The following DTWD2 variants were observed in gnomAD, a reference collection of about 807,000 sequenced individuals.
DTWD2 encodes the protein tRNA-uridine aminocarboxypropyltransferase 2.
A neutral mutation model predicts 31.8 loss-of-function variants in DTWD2; 39 were observed. That is an observed-to-expected ratio of 1.22 (90% CI 0.95 to 1.60). DTWD2 has a LOEUF of 1.60. DTWD2 is among the 40% of genes most tolerant of loss of function. The pLI, the probability that DTWD2 is intolerant of heterozygous loss-of-function variation, is 0.00. For synonymous variants in DTWD2, 180 were observed against 142.8 expected (o/e 1.26, Z -1.86); for missense variants, 515 against 381.5 (o/e 1.35, Z -2.92).
At chr5:118,875,950 A>T (rs531385477) in intron 4 of DTWD2, among the ~76,000 whole-genome samples, 3 of 152,352 alleles carry the variant, frequency 2.0e-5, no homozygotes, top group Admixed American at 2.0e-4. Context: ...TCACATAATC[A>T]GAAGTAAAAC....
Position 118,939,382 on chromosome 5 carries a change from T to C in DTWD2, c.310-92A>G, listed in dbSNP as rs1754130059. The stretch of plus-strand genomic sequence containing the variant: ...AATGAACATCTGATTCATAACTTTA[T>C]GCATAACTTTCACAAGTCTTTTACT... On this transcript the variant is annotated intron_variant, in intron 2 of 5. Coordinates refer to ENST00000510708, the MANE Select transcript of DTWD2 (RefSeq NM_173666.4). 4.4e-6 allele frequency: 5 copies of C among 1,131,094 alleles called. No homozygotes were observed. The Admixed American group carries it at 1.1e-4, about 24-fold the overall frequency. 70.1% of individuals were successfully genotyped at this position (1,131,094 alleles called of 1,614,324 possible). A position where few individuals can be genotyped will look rare whatever the true frequency, so the allele number is the denominator to read the frequency against.
At chr5:118,868,533 G>A (rs1053829579) in intron 4 of DTWD2, among the ~76,000 whole-genome samples, 1 of 152,062 alleles carries the variant, frequency 6.6e-6, no homozygotes, top group Admixed American at 6.6e-5. Flanking sequence ...TTAATATCCA[G>A]AACATATTAA....
chr5:118,981,656 GCTCAAGTGATCCTCCCAC>G (rs886119813), intron 1 of DTWD2, among the ~76,000 whole-genome samples: 1 of 152,048 alleles, frequency 6.6e-6, no homozygotes, highest in African/African-American at 2.4e-5. Flanking sequence ...GAACTCCTGG[GCTCAAGTGATCCTCCCAC>G]CTCAGCCTCC....
intron 4 of DTWD2, among the ~76,000 whole-genome samples, chr5:118,900,314 T>C (rs978075843): frequency 3.3e-5 from 5 of 152,170 alleles, no homozygotes; most frequent in African/African-American, 1.2e-4. Context: ...TTAATATTTT[T>C]AAAAACTTTT....
chr5:118,966,283 A>T (rs971632921), intron 1 of DTWD2, among the ~76,000 whole-genome samples: 8 of 152,380 alleles, frequency 5.3e-5, no homozygotes, highest in Non-Finnish European at 8.8e-5. Context: ...GTTCAAGTTT[A>T]AAAAAGCATT....
chr5:118,858,546 A>T (rs766219442), intron 4 of DTWD2, among the ~76,000 whole-genome samples: 33 of 152,224 alleles, frequency 2.2e-4, no homozygotes, highest in Non-Finnish European at 3.7e-4. Context: ...CATACCCAAA[A>T]GTAAAATAAT....
chr5:118,858,974 T>A (rs977926098), intron 4 of DTWD2, among the ~76,000 whole-genome samples: 2 of 152,194 alleles, frequency 1.3e-5, no homozygotes, highest in African/African-American at 4.8e-5. Flanking sequence ...TCCCATTGTA[T>A]CACATTATGA....
chr5:118,988,211 C>A (rs1344159945), intron 1 of DTWD2, 83 bp downstream of exon 1: 12 of 1,506,776 alleles, frequency 8.0e-6, no homozygotes, highest in Middle Eastern at 3.6e-4. Context: ...CTGCCCGAGC[C>A]GCCGACTCCC....
chr5:118,871,937 G>C (rs547964389), intron 4 of DTWD2, among the ~76,000 whole-genome samples: 1 of 152,272 alleles, frequency 6.6e-6, no homozygotes, highest in South Asian at 2.1e-4. Flanking sequence ...CTACTGTTTA[G>C]TGTAGACACC....
chr5:118,949,049 G>A (rs1044130548), intron 1 of DTWD2, among the ~76,000 whole-genome samples: 2 of 152,260 alleles, frequency 1.3e-5, no homozygotes, highest in South Asian at 4.1e-4. Flanking sequence ...TAACAGATGA[G>A]GAAGAAATTT....
intron 4 of DTWD2, among the ~76,000 whole-genome samples, chr5:118,927,565 A>G (rs1753836973): frequency 6.6e-6 from 1 of 152,086 alleles, no homozygotes; most frequent in Non-Finnish European, 1.5e-5. Context: ...AAAAAAATGC[A>G]TTCCTGAGTA....
chr5:118,931,940 C>T (rs934509968), intron 3 of DTWD2, among the ~76,000 whole-genome samples: 12 of 152,280 alleles, frequency 7.9e-5, no homozygotes, highest in African/African-American at 2.9e-4. Flanking sequence ...GAAAACTCCG[C>T]AGTATTGGAG....
chr5:118,879,133 C>T (rs767494055), intron 4 of DTWD2, among the ~76,000 whole-genome samples: 1 of 152,168 alleles, frequency 6.6e-6, no homozygotes, highest in African/African-American at 2.4e-5. Flanking sequence ...GGTCCCATTA[C>T]TGGCTATATA....
At chr5:118,888,637 G>A (rs1580788507) in intron 4 of DTWD2, among the ~76,000 whole-genome samples, 1 of 152,162 alleles carries the variant, frequency 6.6e-6, no homozygotes, top group East Asian at 1.9e-4. Flanking sequence ...GAAATGGCTG[G>A]ATCACATGTT....
intron 4 of DTWD2, among the ~76,000 whole-genome samples, chr5:118,906,046 A>G (rs1753325807): frequency 1.3e-5 from 2 of 152,202 alleles, no homozygotes; most frequent in Non-Finnish European, 2.9e-5. Context: ...TGAGCAAAAG[A>G]TGTGAATGTA....
intron 1 of DTWD2, among the ~76,000 whole-genome samples, chr5:118,964,614 A>AT (rs1310104455): frequency 6.6e-6 from 1 of 152,104 alleles, no homozygotes; most frequent in African/African-American, 2.4e-5. Context: ...TGGTTTTCGT[A>AT]TTTTTTTGGT....
intron 4 of DTWD2, among the ~76,000 whole-genome samples, chr5:118,893,299 T>G (rs1003624593): frequency 6.8e-6 from 1 of 147,470 alleles, no homozygotes; most frequent in African/African-American, 2.5e-5. Context: ...AAGTGGAGGT[T>G]GCAGTGAGCT....
At chr5:118,904,923 C>T (rs961548048) in intron 4 of DTWD2, among the ~76,000 whole-genome samples, 1 of 152,016 alleles carries the variant, frequency 6.6e-6, no homozygotes, top group East Asian at 1.9e-4. Flanking sequence ...AGGCAGGAAG[C>T]AGAGAACAGA....
chr5:118,930,192 G>A (rs914777006), intron 3 of DTWD2, among the ~76,000 whole-genome samples: 2 of 152,088 alleles, frequency 1.3e-5, no homozygotes, highest in African/African-American at 4.8e-5. Context: ...GAAGAGGAAC[G>A]TTCCCCTTGG....
Sources: gnomAD v4.1 joint callset for allele counts (sites outside exome capture counted in the v4.1 genomes callset) on GRCh38, gnomAD v4.1.1 for gene constraint, MANE v1.5 for transcripts, NCBI Gene and HGNC (gene_info 2026-07-23, HGNC 2026-07-21) for gene names.